RASAL2: variants seen among roughly 807,000 people sequenced by gnomAD.
The protein encoded by RASAL2 is RAS protein activator like 2.
RASAL2 carries 58 observed loss-of-function variants against 128.9 expected under a neutral mutation model. That is an observed-to-expected ratio of 0.45 (90% CI 0.36 to 0.56). The LOEUF (loss-of-function observed/expected upper bound fraction) is 0.56. RASAL2 is among the 20% of genes least tolerant of loss of function. The pLI is 0.00. For missense variants in RASAL2, 1,360 were observed against 1,601.6 expected (o/e 0.85, Z 2.57); for synonymous variants, 561 against 580.8 (o/e 0.97, Z 0.49).
chr1:178,135,526 G>A (rs367989606), intron 1 of RASAL2, among the ~76,000 whole-genome samples: 128 of 136,114 alleles, frequency 9.4e-4, no homozygotes, highest in African/African-American at 2.9e-3. Context: ...AGCCATTTCC[G>A]AATACGTAGT....
chr1:178,438,101 CTTGTGTGTGT>C (rs912079515), intron 5 of RASAL2, among the ~76,000 whole-genome samples: 3 of 97,958 alleles, frequency 3.1e-5, no homozygotes, highest in African/African-American at 1.2e-4. Flanking sequence ...TAAATGGTGG[CTTGTGTGTGT>C]GTGTGTGTGT....
At chr1:178,346,906 A>G (rs1404978624) in intron 3 of RASAL2, among the ~76,000 whole-genome samples, 1 of 152,244 alleles carries the variant, frequency 6.6e-6, no homozygotes, top group Non-Finnish European at 1.5e-5. Flanking sequence ...ATTGTAATAT[A>G]AAAGGTAGAA....
At chr1:178,187,088 A>G (rs563867078) in intron 1 of RASAL2, among the ~76,000 whole-genome samples, 1 of 152,234 alleles carries the variant, frequency 6.6e-6, no homozygotes, top group East Asian at 1.9e-4. Context: ...TCGGCCTCCC[A>G]AAGTGCTGGG....
chr1:178,191,577 C>A (rs952409418), intron 1 of RASAL2, among the ~76,000 whole-genome samples: 1 of 152,084 alleles, frequency 6.6e-6, no homozygotes, highest in East Asian at 1.9e-4. Context: ...CTTTCTCTGC[C>A]GTTTACACGT....
At chr1:178,442,195 A>C (rs944622567) in intron 7 of RASAL2, among the ~76,000 whole-genome samples, 2 of 152,142 alleles carry the variant, frequency 1.3e-5, no homozygotes, top group African/African-American at 2.4e-5. Context: ...AGGGACAACT[A>C]TCCAAACTGT....
chr1:178,267,929 G>A (rs1666050795), intron 1 of RASAL2, among the ~76,000 whole-genome samples: 1 of 151,466 alleles, frequency 6.6e-6, no homozygotes. Flanking sequence ...TTTTTCATAG[G>A]TTGTATTCCT....
intron 3 of RASAL2, among the ~76,000 whole-genome samples, chr1:178,363,908 A>G (rs1671257612): frequency 1.3e-5 from 2 of 152,132 alleles, no homozygotes; most frequent in Non-Finnish European, 2.9e-5. Flanking sequence ...CATCCTGGCT[A>G]ACACGGTGAA....
At chr1:178,172,631 A>G (rs953492772) in intron 1 of RASAL2, among the ~76,000 whole-genome samples, 8 of 152,088 alleles carry the variant, frequency 5.3e-5, no homozygotes, top group African/African-American at 1.7e-4. Flanking sequence ...CCTAAGTAAT[A>G]TAAATGAGAA....
chr1:178,356,604 T>G (rs1670825796), intron 3 of RASAL2, among the ~76,000 whole-genome samples: 1 of 152,190 alleles, frequency 6.6e-6, no homozygotes, highest in Admixed American at 6.5e-5. Context: ...ATACTATTTA[T>G]ATAAAATTCA....
Position 178,349,091 on chromosome 1 carries a change from G to A in RASAL2, c.458-41009G>A, listed in dbSNP as rs1447096273. 3.3e-5 allele frequency among the ~76,000 whole-genome samples: 5 copies of A among 150,810 alleles called. No individual in the cohort carries two copies. In the East Asian group the frequency reaches 6.1e-4, roughly 18 times the overall value. Reference sequence around the variant, plus strand: ...TGGGATTACAGGCCTGAGCCACCGCGCCCGGCCCGACACCAGGTTTATTTT... The same window carrying A: ...TGGGATTACAGGCCTGAGCCACCGCACCCGGCCCGACACCAGGTTTATTTT... On this transcript the variant is annotated intron_variant, in intron 3 of 17. Transcript: ENST00000367649.
At chr1:178,376,500 G>A (rs1671994905) in intron 3 of RASAL2, among the ~76,000 whole-genome samples, 1 of 152,158 alleles carries the variant, frequency 6.6e-6, no homozygotes, top group African/African-American at 2.4e-5. Flanking sequence ...GGGTTTGGAG[G>A]TGAGAGTAGA....
intron 1 of RASAL2, among the ~76,000 whole-genome samples, chr1:178,169,225 T>A (rs1661623604): frequency 6.6e-6 from 1 of 152,202 alleles, no homozygotes; most frequent in East Asian, 1.9e-4. Flanking sequence ...TTTGAATATT[T>A]CCAAGTCTTA....
At chr1:178,172,535 GA>G (rs1184331324) in intron 1 of RASAL2, among the ~76,000 whole-genome samples, 2 of 151,982 alleles carry the variant, frequency 1.3e-5, no homozygotes, top group African/African-American at 4.8e-5. Flanking sequence ...AATATTTTGT[GA>G]TGCTCTCTTT....
chr1:178,356,269 G>A (rs1670806346), intron 3 of RASAL2, among the ~76,000 whole-genome samples: 1 of 151,752 alleles, frequency 6.6e-6, no homozygotes, highest in Non-Finnish European at 1.5e-5. Flanking sequence ...AGCATATAGA[G>A]CAATGGGAAC....
chr1:178,263,747 G>A (rs1048258453), intron 1 of RASAL2, among the ~76,000 whole-genome samples: 2 of 152,056 alleles, frequency 1.3e-5, no homozygotes. Context: ...TTGAGACAGG[G>A]TCTCACTATT....
chr1:178,352,285 T>C (rs1175736190), intron 3 of RASAL2, among the ~76,000 whole-genome samples: 2 of 152,230 alleles, frequency 1.3e-5, no homozygotes, highest in African/African-American at 4.8e-5. Flanking sequence ...AAAAATGAGA[T>C]GTTTTGTGGC....
intron 1 of RASAL2, among the ~76,000 whole-genome samples, chr1:178,267,683 A>T (rs1240690828): frequency 6.9e-6 from 1 of 144,662 alleles, no homozygotes; most frequent in Admixed American, 7.2e-5. Context: ...TGCAGGGCTC[A>T]CTGCAATCTC....
intron 1 of RASAL2, among the ~76,000 whole-genome samples, chr1:178,262,183 T>C (rs1204509286): frequency 6.6e-6 from 1 of 152,120 alleles, no homozygotes; most frequent in Non-Finnish European, 1.5e-5. Flanking sequence ...AAACAGTGAC[T>C]AAAAAGAGAA....
intron 1 of RASAL2, among the ~76,000 whole-genome samples, chr1:178,145,554 C>CAA (rs10645696): frequency 0.81 from 100,787 of 123,842 alleles, 42,258 homozygotes; most frequent in Non-Finnish European, 0.9. Context: ...GTGACTTTGA[C>CAA]AAAAAAAAAA....
Sources: gnomAD v4.1 joint callset for allele counts (sites outside exome capture counted in the v4.1 genomes callset) on GRCh38, gnomAD v4.1.1 for gene constraint, MANE v1.5 for transcripts, NCBI Gene and HGNC (gene_info 2026-07-23, HGNC 2026-07-21) for gene names.